Variants in CCDC171 observed in about 807,000 individuals in gnomAD.
CCDC171 encodes coiled-coil domain-containing protein 171.
In CCDC171, 177 loss-of-function variants were observed where a neutral mutation model predicts 168.2. That is an observed-to-expected ratio of 1.05 (90% confidence interval 0.93 to 1.19). The LOEUF (loss-of-function observed/expected upper bound fraction) is 1.19, where lower values mean the gene tolerates loss of function less well. Among genes scored for constraint, CCDC171 ranks in the 50% most tolerant of loss-of-function variants. CCDC171 has a pLI of 0.00. For synonymous variants in CCDC171, 687 were observed against 540.8 expected (o/e 1.27, Z -3.75); for missense variants, 1,991 against 1,539.0 (o/e 1.29, Z -4.91).
At chr9:15,902,085 T>C (rs1325208273) in intron 24 of CCDC171, among the ~76,000 whole-genome samples, 1 of 152,090 alleles carries the variant, frequency 6.6e-6, no homozygotes, top group Non-Finnish European at 1.5e-5. Flanking sequence ...CTAGAAGATA[T>C]TAAACACATA....
At chr9:16,075,492 G>C in the CCDC171 span, among the ~76,000 whole-genome samples, 16 of 152,214 alleles carry the variant, frequency 1.1e-4, no homozygotes, top group South Asian at 3.1e-3. Flanking sequence ...CTTTCTAGTG[G>C]TTGACTTCTT....
At chr9:15,737,676 A>G (rs1323774614) in intron 16 of CCDC171, among the ~76,000 whole-genome samples, 2 of 152,208 alleles carry the variant, frequency 1.3e-5, no homozygotes, top group Non-Finnish European at 2.9e-5. Flanking sequence ...TAGAAACAAA[A>G]CAATAAACCC....
chr9:15,895,494 A>G (rs1820785490), intron 24 of CCDC171, among the ~76,000 whole-genome samples: 1 of 152,108 alleles, frequency 6.6e-6, no homozygotes, highest in Non-Finnish European at 1.5e-5. Context: ...CACCATTGCA[A>G]TAGAATCCAA....
At position 15,744,667 on chromosome 9, in the gene CCDC171, A is replaced by G; in HGVS notation, c.2444A>G (p.Lys815Arg). 6.2e-7 allele frequency: 1 copy of G among 1,614,212 alleles called. No individual in the cohort carries two copies. Residue 815 changes from lysine to arginine, a missense_variant, in exon 17 of 26, where the codon AAG becomes AGG. Lys to Arg is a conservative substitution (Grantham distance 26). Transcript: ENST00000380701. ...GCTGTTTTGGCAGCAAACAGACTCA[A>G]GATTTTGGGCCAATCATGTGCCTCT... ...VIAVLAANRL[K>R]ILGQSCASLF...
intron 19 of CCDC171, 142 bp downstream of exon 19, chr9:15,777,968 A>G: frequency 1.7e-6 from 1 of 596,572 alleles, no homozygotes; most frequent in Non-Finnish European, 2.7e-6. Context: ...TTAATACACT[A>G]AATTACTTCC....
At chr9:16,001,862 G>A in intron 3 of CCDC171, among the ~76,000 whole-genome samples, 1 of 140,694 alleles carries the variant, frequency 7.1e-6, no homozygotes. Flanking sequence ...TTTTGAGACA[G>A]TGTCTCGCTC....
At chr9:15,691,568 A>ATATATATATT in intron 10 of CCDC171, among the ~76,000 whole-genome samples, 1 of 145,558 alleles carries the variant, frequency 6.9e-6, no homozygotes, top group Admixed American at 6.9e-5. Context: ...ATATATATAT[A>ATATATATATT]TATGTACACA....
At chr9:15,690,695 A>T (rs534025264) in intron 10 of CCDC171, among the ~76,000 whole-genome samples, 1 of 149,350 alleles carries the variant, frequency 6.7e-6, no homozygotes, top group Admixed American at 6.6e-5. Flanking sequence ...TTTTAAGAAT[A>T]TATTATAGTC....
chr9:15,737,718 A>G (rs992774762), intron 16 of CCDC171, among the ~76,000 whole-genome samples: 3 of 152,168 alleles, frequency 2.0e-5, no homozygotes, highest in African/African-American at 7.2e-5. Context: ...CATATTTTTG[A>G]TGTGTTAAAT....
At chr9:16,064,516 G>A (rs1054759814), downstream of CCDC171, among the ~76,000 whole-genome samples, 1 of 152,140 alleles carries the variant, frequency 6.6e-6, no homozygotes, top group African/African-American at 2.4e-5. Context: ...CTGACTCTGG[G>A]GTCCCATCTG....
intron 25 of CCDC171, among the ~76,000 whole-genome samples, chr9:15,944,758 G>A (rs1589202061): frequency 1.3e-5 from 2 of 152,084 alleles, no homozygotes; most frequent in East Asian, 3.9e-4. Context: ...AAAGTAGGAA[G>A]GAACTACCAA....
chr9:15,699,257 G>A (rs1408723149), intron 11 of CCDC171, among the ~76,000 whole-genome samples: 3 of 152,068 alleles, frequency 2.0e-5, no homozygotes, highest in Non-Finnish European at 2.9e-5. Flanking sequence ...GGAGTTGTTC[G>A]TTCCTCCCGG....
Position 16,060,139 on chromosome 9 carries a change from G to A in CCDC171, n.90-507G>A, listed in dbSNP as rs186129613. Among the ~76,000 whole-genome samples the A allele has an allele frequency of 2.0e-5, 3 of 151,128 alleles. No homozygotes were observed. In the East Asian group the frequency reaches 5.8e-4, roughly 29 times the overall value. Reference sequence around the variant, plus strand: ...TGTGTATTAGTTTTTCTCCTTTGCAGGGTCTTCTCTCTGAAGGCTAGTGGC... The same window carrying A: ...TGTGTATTAGTTTTTCTCCTTTGCAAGGTCTTCTCTCTGAAGGCTAGTGGC... On this transcript the variant is annotated intron_variant and non_coding_transcript_variant, in intron 1 of 1. Transcript: ENST00000478913.
At chr9:15,872,657 A>C (rs1817310157) in intron 23 of CCDC171, among the ~76,000 whole-genome samples, 1 of 152,000 alleles carries the variant, frequency 6.6e-6, no homozygotes, top group Non-Finnish European at 1.5e-5. Flanking sequence ...AAATTTAATA[A>C]ATTTTCTTTG....
At chr9:15,604,329 C>T (rs1025885628) in intron 6 of CCDC171, among the ~76,000 whole-genome samples, 1 of 152,144 alleles carries the variant, frequency 6.6e-6, no homozygotes, top group African/African-American at 2.4e-5. Flanking sequence ...TTTGCCCTGC[C>T]ACAAGCTTTT....
rs573038525 is a variant in CCDC171, at chr9:15,687,115, A to G, written c.1216-8120A>G. On this transcript the variant is annotated intron_variant, in intron 10 of 25. Transcript: ENST00000380701. ...TTAATAACAGAAGGCAACAGAGGAA[A>G]CATTCACAAATATGTGAAAATTAGA... is the stretch of plus-strand genomic sequence containing the variant. Among the ~76,000 whole-genome samples, 4 of 152,354 alleles carry G rather than the reference A, an allele frequency of 2.6e-5. No individual in the cohort carries two copies. The East Asian group carries it at 5.8e-4, about 22-fold the overall frequency.
intron 18 of CCDC171, among the ~76,000 whole-genome samples, chr9:15,757,844 CA>C (rs759783099): frequency 1.9e-4 from 29 of 152,184 alleles, no homozygotes; most frequent in Non-Finnish European, 4.0e-4. Context: ...GTGCAAGCCC[CA>C]AGCCTTGGCA....
At chr9:15,723,550 T>G (rs1056036911) in intron 12 of CCDC171, 131 bp from the exon 13 acceptor site, 3 of 643,340 alleles carry the variant, frequency 4.7e-6, no homozygotes, top group Non-Finnish European at 8.1e-6. Flanking sequence ...TAATTACTAT[T>G]GAAAAATTTG....
chr9:15,763,811 A>G (rs372651680), intron 18 of CCDC171, among the ~76,000 whole-genome samples: 105 of 152,338 alleles, frequency 6.9e-4, no homozygotes, highest in African/African-American at 2.4e-3. Flanking sequence ...TCATTCATTA[A>G]CTTATTGATG....
Sources: allele counts gnomAD v4.1 joint callset (sites outside exome capture counted in the v4.1 genomes callset), GRCh38; gene constraint gnomAD v4.1.1; transcripts MANE v1.5; gene names NCBI Gene and HGNC (gene_info 2026-07-23, HGNC 2026-07-21).